Variants in OR1K1 observed in about 807,000 individuals in gnomAD.
The protein encoded by OR1K1 is olfactory receptor 1K1.
For synonymous variants in OR1K1, 168 were observed against 178.2 expected (o/e 0.94, Z 0.46); for missense variants, 409 against 407.9 (o/e 1.00, Z -0.02).
chr9:122,800,797 C>T lies in OR1K1; in HGVS notation c.675C>T (p.Ala225=), dbSNP rs148468818. The T allele has an allele frequency of 6.6e-5, 106 of 1,613,832 alleles. 1 individual carries two copies. In the African/African-American group the frequency reaches 1.3e-3, roughly 19 times the overall value. ...ILASYGAIAA[A]VLQLPSASGR... ...CCTCCTATGGGGCCATCGCAGCTGC[C>T]GTGCTCCAGCTGCCCTCAGCCTCTG... is the stretch of plus-strand genomic sequence containing the variant. The change falls in exon 1 of 1, where the codon GCC becomes GCT. Residue 225 remains alanine, a synonymous_variant. Coordinates refer to ENST00000277309, the MANE Select transcript of OR1K1 (RefSeq NM_080859.1).
Position 122,800,714 on chromosome 9 carries a change from C to A in OR1K1, c.592C>A (p.Leu198Met), listed in dbSNP as rs1292795381. 2.5e-6 allele frequency: 4 copies of A among 1,614,184 alleles called. No individual in the cohort carries two copies. Among genetic ancestry groups the A allele is most frequent in the Middle Eastern group, 1.6e-4 (1 of 6,062 alleles). ...LSCSDTHHIQ[L>M]LIFTEGAAVV... ...GTGCTCTGACACCCACCACATCCAG[C>A]TGCTCATCTTCACCGAGGGCGCCGC... is the stretch of plus-strand genomic sequence containing the variant. Residue 198 changes from leucine to methionine, a missense_variant, in exon 1 of 1, where the codon CTG becomes ATG. Transcript: ENST00000277309.
chr9:122,801,029 C>T lies in OR1K1; in HGVS notation c.907C>T (p.Arg303Ter), dbSNP rs369165429. The T allele has an allele frequency of 7.3e-5, 117 of 1,613,094 alleles. 1 individual carries two copies. Among genetic ancestry groups the T allele is most frequent in the Middle Eastern group, 4.9e-4 (3 of 6,062 alleles). ...LWNRDVQGALRALLIGRRISA... is the reference protein window; with the variant it reads ...LWNRDVQGAL ...GAATCGCGATGTACAGGGGGCACTC[C>T]GAGCCCTTCTCATTGGGCGAAGGAT... Residue 303 changes from arginine to a stop codon, truncating the protein, a stop_gained, in exon 1 of 1, where the codon CGA becomes TGA. Coordinates refer to ENST00000277309, the MANE Select transcript of OR1K1 (RefSeq NM_080859.1). LOFTEE classifies it low-confidence loss of function (END_TRUNC).
In OR1K1 at chr9:122,801,054, T is replaced by G; in HGVS notation, c.932T>G (p.Ile311Ser). The G allele has an allele frequency of 4.4e-6, 7 of 1,607,282 alleles. No homozygotes were observed. Among genetic ancestry groups the G allele is most frequent in the Non-Finnish European group, 5.9e-6 (7 of 1,177,138 alleles). The change falls in exon 1 of 1, where the codon ATC becomes AGC. Residue 311 changes from isoleucine to serine, a missense_variant. By Grantham distance (142) the Ile-to-Ser change is moderately radical. Coordinates refer to ENST00000277309, the MANE Select transcript of OR1K1 (RefSeq NM_080859.1). ...CGAGCCCTTCTCATTGGGCGAAGGA[T>G]CTCAGCTAGTGACTCCTGAGGGCAG... ...ALRALLIGRR[I>S]SASDS
At position 122,800,576 on chromosome 9, in the gene OR1K1, G is replaced by A; in HGVS notation, c.454G>A (p.Val152Met). The A allele has an allele frequency of 6.2e-7, 1 of 1,613,562 alleles. No homozygotes were observed. The highest frequency in any genetic ancestry group is 8.5e-7 in the Non-Finnish European group (1 of 1,180,016). Residue 152 changes from valine to methionine, a missense_variant, in exon 1 of 1, where the codon GTG becomes ATG. Physicochemically the swap from Val to Met is conservative, Grantham distance 21. Transcript: ENST00000277309. Reference protein sequence around the residue: ...CAALVGMAWLVSHVHSLLYIL... With the variant: ...CAALVGMAWLMSHVHSLLYIL... ...AGCCCTGGTGGGAATGGCATGGCTG[G>A]TGTCCCACGTCCACTCCCTCCTGTA...
At position 122,800,230 on chromosome 9, in the gene OR1K1, T is replaced by C. The variant is rs763371813; in HGVS notation, c.108T>C (p.Tyr36=). Residue 36 remains tyrosine, a synonymous_variant, in exon 1 of 1, where the codon TAT becomes TAC. Coordinates refer to ENST00000277309, the MANE Select transcript of OR1K1 (RefSeq NM_080859.1). ...RPLFVLFLLL[Y]VASLLGNGLI... ...TCTTTGTGCTGTTCTTGCTCTTGTA[T>C]GTGGCCAGCCTCCTGGGTAATGGAC... The C allele has an allele frequency of 5.0e-6, 8 of 1,614,200 alleles. No individual in the cohort carries two copies. The highest frequency in any genetic ancestry group is 6.8e-6 in the Non-Finnish European group (8 of 1,180,016).
rs765484084 is a variant in OR1K1, at chr9:122,800,832, G to A, written c.710G>A (p.Arg237Gln). Residue 237 changes from arginine to glutamine, a missense_variant, in exon 1 of 1, where the codon CGG becomes CAG. By Grantham distance (43) the Arg-to-Gln change is conservative. Transcript: ENST00000277309. Reference sequence around the variant, plus strand: ...CTGCCCTCAGCCTCTGGGAGGCTCCGGGCTGTGTCCACCTGTGGCTCCCAC... The same window carrying A: ...CTGCCCTCAGCCTCTGGGAGGCTCCAGGCTGTGTCCACCTGTGGCTCCCAC... ...LQLPSASGRLRAVSTCGSHLA... is the reference protein window; with the variant it reads ...LQLPSASGRLQAVSTCGSHLA... 1.2e-5 allele frequency: 19 copies of A among 1,613,522 alleles called. 1 individual carries two copies. The Admixed American group carries it at 2.2e-4, about 18-fold the overall frequency.
chr9:122,800,521 T>C lies in OR1K1; in HGVS notation c.399T>C (p.Tyr133=), dbSNP rs765890544. 1.2e-6 allele frequency: 2 copies of C among 1,612,064 alleles called. No homozygotes were observed. The highest frequency in any genetic ancestry group is 1.3e-5 in the African/African-American group (1 of 74,930). The change falls in exon 1 of 1, where the codon TAT becomes TAC. Residue 133 remains tyrosine (Y), a synonymous_variant. Transcript: ENST00000277309. ...TGGCCATCCGGCACCCCCTCCCCTA[T>C]GCCACGAGGATGTCCCGGGCCATGT... ...CYVAIRHPLP[Y]ATRMSRAMCA...
chr9:122,800,620 C>T lies in OR1K1; in HGVS notation c.498C>T (p.Arg166=). 1 of 1,614,000 alleles carries T rather than the reference C, an allele frequency of 6.2e-7. No individual in the cohort carries two copies. The highest frequency in any genetic ancestry group is 1.6e-4 in the Middle Eastern group (1 of 6,062). ...TCCTGTATATCCTGCTCATGGCTCG[C>T]TTGTCCTTCTGTGCTTCCCACCAAG... ...HSLLYILLMA[R]LSFCASHQVP... is the part of the protein sequence containing the mutation. Residue 166 remains arginine, a synonymous_variant, in exon 1 of 1, where the codon CGC becomes CGT. Transcript: ENST00000277309.
chr9:122,800,827 G>C lies in OR1K1; in HGVS notation c.705G>C (p.Arg235Ser). The change falls in exon 1 of 1, where the codon AGG becomes AGC. Residue 235 changes from arginine to serine, a missense_variant. By Grantham distance (110) the Arg-to-Ser change is moderately radical (BLOSUM62 -1). Transcript: ENST00000277309. ...TCCAGCTGCCCTCAGCCTCTGGGAG[G>C]CTCCGGGCTGTGTCCACCTGTGGCT... is the stretch of plus-strand genomic sequence containing the variant. The part of the protein sequence containing the change: ...AVLQLPSASG[R>S]LRAVSTCGSH... 6.2e-7 allele frequency: 1 copy of C among 1,613,704 alleles called. No homozygotes were observed. Among genetic ancestry groups the C allele is most frequent in the Non-Finnish European group, 8.5e-7 (1 of 1,179,902 alleles).
Position 122,800,317 on chromosome 9 carries a change from C to T in OR1K1, c.195C>T (p.Ala65=), listed in dbSNP as rs150991578. The T allele has an allele frequency of 1.2e-6, 2 of 1,614,186 alleles. No homozygotes were observed. Among genetic ancestry groups the T allele is most frequent in the South Asian group, 1.1e-5 (1 of 91,078 alleles). ...ALHAPMYFLL[A]HLSFADLCFA... The stretch of plus-strand genomic sequence containing the variant: ...ATGCACCCATGTACTTCCTGCTGGC[C>T]CACCTGTCCTTTGCTGACCTCTGCT... The change falls in exon 1 of 1, where the codon GCC becomes GCT. Residue 65 remains alanine (A), a synonymous_variant. Coordinates refer to ENST00000277309, the MANE Select transcript of OR1K1 (RefSeq NM_080859.1).
Position 122,800,148 on chromosome 9 carries a change from A to G in OR1K1, c.26A>G (p.Glu9Gly). The G allele has an allele frequency of 2.5e-6, 4 of 1,611,502 alleles. No individual in the cohort carries two copies. The highest frequency in any genetic ancestry group is 2.5e-6 in the Non-Finnish European group (3 of 1,178,404). MEAANESSEGISFVLLGLT... is the reference protein window; with the variant it reads MEAANESSGGISFVLLGLT... ...ATGGAGGCTGCCAATGAGTCTTCAG[A>G]GGGAATCTCATTCGTTTTATTGGGA... The change falls in exon 1 of 1, where the codon GAG (glutamate) becomes GGG (glycine). Residue 9 changes from glutamate to glycine, a missense_variant. By Grantham distance (98) the Glu-to-Gly change is moderately conservative (BLOSUM62 -2). Transcript: ENST00000277309.
In OR1K1 at chr9:122,800,454, C is replaced by G; in HGVS notation, c.332C>G (p.Thr111Ser). ...TACTTCTTCTTTGCCCTGGGGGTAACTGATAGCTGTCTTCTGGCGGCCATG... is the reference window on the plus strand; with the variant it reads ...TACTTCTTCTTTGCCCTGGGGGTAAGTGATAGCTGTCTTCTGGCGGCCATG... ...QMYFFFALGV[T>S]DSCLLAAMAY... Residue 111 changes from threonine to serine, a missense_variant, in exon 1 of 1, where the codon ACT becomes AGT. By Grantham distance (58) the Thr-to-Ser change is moderately conservative. Coordinates refer to ENST00000277309, the MANE Select transcript of OR1K1 (RefSeq NM_080859.1). 6.2e-7 allele frequency: 1 copy of G among 1,612,214 alleles called. No homozygotes were observed. The highest frequency in any genetic ancestry group is 8.5e-7 in the Non-Finnish European group (1 of 1,180,018).
At position 122,800,908 on chromosome 9, in the gene OR1K1, G is replaced by A. The variant is rs1301501939; in HGVS notation, c.786G>A (p.Gln262=). 6.2e-7 allele frequency: 1 copy of A among 1,614,190 alleles called. No individual in the cohort carries two copies. The highest frequency in any genetic ancestry group is 1.1e-5 in the South Asian group (1 of 91,084). The change falls in exon 1 of 1, where the codon CAG becomes CAA. Residue 262 remains glutamine (Q), a synonymous_variant. Coordinates refer to ENST00000277309, the MANE Select transcript of OR1K1 (RefSeq NM_080859.1). ...GGACAGTCATTGCAGTCTACTTCCAGGCCACATCCCGACGCGAGGCAGAGT... is the reference window on the plus strand; with the variant it reads ...GGACAGTCATTGCAGTCTACTTCCAAGCCACATCCCGACGCGAGGCAGAGT... ...FYGTVIAVYF[Q]ATSRREAEWG... is the part of the protein sequence containing the mutation.
chr9:122,801,045 G>T lies in OR1K1; in HGVS notation c.923G>T (p.Gly308Val). The change falls in exon 1 of 1, where the codon GGG becomes GTG. Residue 308 changes from glycine to valine, a missense_variant. By Grantham distance (109) the Gly-to-Val change is moderately radical (BLOSUM62 -3). Coordinates refer to ENST00000277309, the MANE Select transcript of OR1K1 (RefSeq NM_080859.1). The stretch of plus-strand genomic sequence containing the variant: ...GGGGCACTCCGAGCCCTTCTCATTG[G>T]GCGAAGGATCTCAGCTAGTGACTCC... ...VQGALRALLIGRRISASDS is the reference protein window; with the variant it reads ...VQGALRALLIVRRISASDS The T allele has an allele frequency of 6.2e-7, 1 of 1,610,484 alleles. No homozygotes were observed.
chr9:122,800,390 G>C lies in OR1K1; in HGVS notation c.268G>C (p.Asp90His), dbSNP rs779359475. Residue 90 changes from aspartate (D) to histidine (H), a missense_variant, in exon 1 of 1, where the codon GAC (aspartate) becomes CAC (histidine). Transcript: ENST00000277309. Reference protein sequence around the residue: ...PKMLANLLAHDHSISLAGCLT... With the variant: ...PKMLANLLAHHHSISLAGCLT... ...GATGTTGGCCAACTTGTTGGCCCAT[G>C]ACCACTCCATCTCGCTGGCTGGCTG... is the stretch of plus-strand genomic sequence containing the variant. 5 of 1,614,008 alleles carry C rather than the reference G, an allele frequency of 3.1e-6. No homozygotes were observed. The highest frequency in any genetic ancestry group is 4.2e-6 in the Non-Finnish European group (5 of 1,180,028).
Position 122,800,807 on chromosome 9 carries a change from C to T in OR1K1, c.685C>T (p.Leu229=), listed in dbSNP as rs1038508473. 1 of 1,613,738 alleles carries T rather than the reference C, an allele frequency of 6.2e-7. No individual in the cohort carries two copies. Among genetic ancestry groups the T allele is most frequent in the African/African-American group, 1.3e-5 (1 of 74,940 alleles). ...YGAIAAAVLQ[L]PSASGRLRAV... ...GGCCATCGCAGCTGCCGTGCTCCAG[C>T]TGCCCTCAGCCTCTGGGAGGCTCCG... Residue 229 remains leucine (L), a synonymous_variant, in exon 1 of 1, where the codon CTG becomes TTG. Transcript: ENST00000277309.
In OR1K1 at chr9:122,800,707, C is replaced by G. The variant is rs1026562912; in HGVS notation, c.585C>G (p.His195Gln). 10 of 1,614,076 alleles carry G rather than the reference C, an allele frequency of 6.2e-6. No homozygotes were observed. Among genetic ancestry groups the G allele is most frequent in the Non-Finnish European group, 8.5e-6 (10 of 1,180,060 alleles). Residue 195 changes from histidine to glutamine, a missense_variant, in exon 1 of 1, where the codon CAC (histidine) becomes CAG (glutamine). Transcript: ENST00000277309. ...LLRLSCSDTHHIQLLIFTEGA... is the reference protein window; with the variant it reads ...LLRLSCSDTHQIQLLIFTEGA... Reference sequence around the variant, plus strand: ...GGCTCTCGTGCTCTGACACCCACCACATCCAGCTGCTCATCTTCACCGAGG... The same window carrying G: ...GGCTCTCGTGCTCTGACACCCACCAGATCCAGCTGCTCATCTTCACCGAGG...
In OR1K1 at chr9:122,801,065, G is replaced by A. The variant is rs1158565153; in HGVS notation, c.943G>A (p.Asp315Asn). 6.2e-7 allele frequency: 1 copy of A among 1,600,464 alleles called. No individual in the cohort carries two copies. Among genetic ancestry groups the A allele is most frequent in the Non-Finnish European group, 8.5e-7 (1 of 1,174,360 alleles). Reference sequence around the variant, plus strand: ...CATTGGGCGAAGGATCTCAGCTAGTGACTCCTGAGGGCAGGACCCCACTGA... The same window carrying A: ...CATTGGGCGAAGGATCTCAGCTAGTAACTCCTGAGGGCAGGACCCCACTGA... ...LLIGRRISASDS is the reference protein window; with the variant it reads ...LLIGRRISASNS Residue 315 changes from aspartate (D) to asparagine (N), a missense_variant, in exon 1 of 1, where the codon GAC becomes AAC. Coordinates refer to ENST00000277309, the MANE Select transcript of OR1K1 (RefSeq NM_080859.1).
chr9:122,800,240 C>T lies in OR1K1; in HGVS notation c.118C>T (p.Leu40Phe), dbSNP rs1477394061. ...VLFLLLYVAS[L>F]LGNGLIVAAI... is the part of the protein sequence containing the mutation. ...GTTCTTGCTCTTGTATGTGGCCAGC[C>T]TCCTGGGTAATGGACTCATTGTGGC... Residue 40 changes from leucine (L) to phenylalanine (F), a missense_variant, in exon 1 of 1, where the codon CTC becomes TTC. Coordinates refer to ENST00000277309, the MANE Select transcript of OR1K1 (RefSeq NM_080859.1). The T allele has an allele frequency of 9.3e-6, 15 of 1,614,052 alleles. No homozygotes were observed. Among genetic ancestry groups the T allele is most frequent in the Non-Finnish European group, 1.3e-5 (15 of 1,180,006 alleles).
Sources: allele counts gnomAD v4.1 joint callset, GRCh38; gene constraint gnomAD v4.1.1; transcripts MANE v1.5; gene names NCBI Gene and HGNC (gene_info 2026-07-23, HGNC 2026-07-21).